TTC7B: variants seen among roughly 807,000 people sequenced by gnomAD.
The protein encoded by TTC7B is tetratricopeptide repeat protein 7B.
Under a neutral mutation model 106.8 loss-of-function variants are expected in TTC7B, and 28 were observed. That is an observed-to-expected ratio of 0.26 (90% CI 0.19 to 0.36). The LOEUF is 0.36. TTC7B is among the 10% of genes least tolerant of loss of function. TTC7B has a pLI of 1.00. For synonymous variants in TTC7B, 405 were observed against 430.6 expected, an observed-to-expected ratio of 0.94 and a Z score of 0.74; for missense variants, 862 against 1,076.4, an observed-to-expected ratio of 0.80 and a Z score of 2.79.
chr14:90,659,353 C>T (rs1043240234), intron 9 of TTC7B, among the ~76,000 whole-genome samples: 18 of 151,528 alleles, frequency 1.2e-4, no homozygotes, highest in South Asian at 2.1e-4. Flanking sequence ...GAGTTTAGCA[C>T]GGGAAATACT....
intron 19 of TTC7B, among the ~76,000 whole-genome samples, chr14:90,576,695 T>G (rs943393772): frequency 1.3e-5 from 2 of 152,024 alleles, no homozygotes; most frequent in African/African-American, 4.8e-5. Context: ...TTAGTTCGAG[T>G]GCAGATGTAA....
chr14:90,699,266 A>G (rs1887890016), intron 5 of TTC7B: 2 of 449,976 alleles, frequency 4.4e-6, no homozygotes, highest in Middle Eastern at 3.3e-4. Context: ...GAAGAAGGCC[A>G]GAGCTCCAAA....
At chr14:90,695,601 G>A (rs761318235) in intron 5 of TTC7B, 23 bp from the exon 6 acceptor site, 4 of 1,515,470 alleles carry the variant, frequency 2.6e-6, no homozygotes, top group African/African-American at 1.4e-5. Flanking sequence ...AGAATTTGAC[G>A]GTTTTCATCT....
At position 90,624,446 on chromosome 14, in the gene TTC7B, C is replaced by G. The variant is rs1354101801; in HGVS notation, c.1752-6401G>C. On this transcript the variant is annotated intron_variant, in intron 15 of 19. Coordinates refer to ENST00000328459, the MANE Select transcript of TTC7B (RefSeq NM_001010854.2). The surrounding 1 kb of genome is among the most constrained non-coding windows in gnomAD (Gnocchi z 4.0). ...ATGCTCGGTGTCTCATGCCATTCCC[C>G]AGGAAGACTTCGCTGACTCGCTGGA... Among the ~76,000 whole-genome samples the G allele has an allele frequency of 6.6e-6, 1 of 152,112 alleles. No homozygotes were observed.
At chr14:90,586,344 C>T (rs1389021213) in intron 18 of TTC7B, among the ~76,000 whole-genome samples, 4 of 152,212 alleles carry the variant, frequency 2.6e-5, no homozygotes, top group Non-Finnish European at 1.5e-5. Flanking sequence ...GATCTCGGCT[C>T]ATTGCAATCT....
chr14:90,815,269 C>G (rs772467084), intron 1 of TTC7B, among the ~76,000 whole-genome samples: 5 of 152,148 alleles, frequency 3.3e-5, no homozygotes, highest in Admixed American at 1.3e-4. Flanking sequence ...TAAAGATACT[C>G]GCTTCCAAAA....
Position 90,780,759 on chromosome 14 carries a change from C to T in TTC7B, c.424G>A (p.Ala142Thr), listed in dbSNP as rs768036746. ...AVPPYRLRVIAEAYATKGLCL... is the reference protein window; with the variant it reads ...AVPPYRLRVITEAYATKGLCL... ...TCACCTTTGGTAGCGTAGGCTTCTG[C>T]GATCACCCGCAGCCTGTAGGGCGGG... is the stretch of plus-strand genomic sequence containing the variant. Residue 142 changes from alanine (A) to threonine (T), a missense_variant, in exon 3 of 20, where the codon GCA (alanine) becomes ACA (threonine). By Grantham distance (58) the Ala-to-Thr change is moderately conservative. Transcript: ENST00000328459. 6.2e-6 allele frequency: 10 copies of T among 1,614,152 alleles called. No homozygotes were observed. Among genetic ancestry groups the T allele is most frequent in the Non-Finnish European group, 7.6e-6 (9 of 1,180,022 alleles).
intron 19 of TTC7B, among the ~76,000 whole-genome samples, chr14:90,573,427 C>T (rs189998689): frequency 0.015 from 1,684 of 113,966 alleles, 57 homozygotes; most frequent in Non-Finnish European, 0.022. Context: ...CGGTCCCTCT[C>T]CGGCTCACGG....
At chr14:90,559,430 T>A (rs1890473627) in intron 19 of TTC7B, among the ~76,000 whole-genome samples, 1 of 152,248 alleles carries the variant, frequency 6.6e-6, no homozygotes, top group Admixed American at 6.5e-5. Context: ...CAGAGGGCAC[T>A]GGCGGGGCAG....
At chr14:90,661,394 A>C (rs942631621) in intron 9 of TTC7B, among the ~76,000 whole-genome samples, 5 of 152,210 alleles carry the variant, frequency 3.3e-5, no homozygotes, top group Admixed American at 2.0e-4. Context: ...CAGCATGCTG[A>C]GACCAAGTAG....
intron 19 of TTC7B, among the ~76,000 whole-genome samples, chr14:90,568,071 T>A (rs937607693): frequency 1.3e-5 from 2 of 152,226 alleles, no homozygotes; most frequent in Middle Eastern, 3.4e-3. Context: ...CAAGATGACT[T>A]GGAAGCAGCA....
chr14:90,741,432 A>C (rs1181815185), intron 4 of TTC7B, among the ~76,000 whole-genome samples: 3 of 152,192 alleles, frequency 2.0e-5, no homozygotes, highest in Non-Finnish European at 4.4e-5. Flanking sequence ...CAGCGAGCAG[A>C]AGTTTCTTCA....
intron 3 of TTC7B, among the ~76,000 whole-genome samples, chr14:90,771,939 TG>T (rs1890879148): frequency 6.9e-6 from 1 of 145,232 alleles, no homozygotes; most frequent in African/African-American, 2.5e-5. Context: ...TATATTTATA[TG>T]TATAAATTTT....
intron 18 of TTC7B, among the ~76,000 whole-genome samples, chr14:90,581,248 G>A (rs1457411734): frequency 2.0e-5 from 3 of 152,260 alleles, no homozygotes; most frequent in South Asian, 2.1e-4. Context: ...GAAGGTGACC[G>A]CCCAGCCATG....
intron 19 of TTC7B, among the ~76,000 whole-genome samples, chr14:90,545,767 C>T (rs969297522): frequency 2.6e-5 from 4 of 152,218 alleles, no homozygotes; most frequent in Non-Finnish European, 5.9e-5. Flanking sequence ...GCATGTCTAA[C>T]TGCCCTCAAA....
At chr14:90,649,479 A>G (rs559983083) in intron 13 of TTC7B, among the ~76,000 whole-genome samples, 16 of 152,334 alleles carry the variant, frequency 1.1e-4, no homozygotes, top group African/African-American at 3.8e-4. Flanking sequence ...GAGAGAGGAC[A>G]TTAGTGATCA....
chr14:90,658,233 T>A, intron 10 of TTC7B, 71 bp downstream of exon 10: 1 of 1,318,060 alleles, frequency 7.6e-7, no homozygotes, highest in Non-Finnish European at 1.1e-6. Flanking sequence ...TTCCGTGCAA[T>A]TCCATGACAT....
At chr14:90,544,112 C>T (rs1889722171) in intron 19 of TTC7B, among the ~76,000 whole-genome samples, 1 of 152,148 alleles carries the variant, frequency 6.6e-6, no homozygotes, top group African/African-American at 2.4e-5. Flanking sequence ...AAGGAGACCC[C>T]CAGCTCTGGG....
rs1429649112 is a variant in TTC7B, at chr14:90,652,874, A to G, written c.1484T>C (p.Val495Ala). The G allele has an allele frequency of 1.2e-6, 2 of 1,614,172 alleles. No homozygotes were observed. Among genetic ancestry groups the G allele is most frequent in the South Asian group, 1.1e-5 (1 of 91,086 alleles). ...TDASLRGMQE[V>A]LQRKALLAFQ... ...TGCAAGAAGCGCCTTTCTCTGTAGG[A>G]CCTCCTGCATCCCTCGCAAAGAAGC... The change falls in exon 13 of 20, where the codon GTC becomes GCC. Residue 495 changes from valine (V) to alanine (A), a missense_variant. Val to Ala is a moderately conservative substitution (Grantham distance 64, BLOSUM62 0). Transcript: ENST00000328459.
Sources: gnomAD v4.1 joint callset for allele counts (sites outside exome capture counted in the v4.1 genomes callset) on GRCh38, gnomAD v4.1.1 for gene constraint, Gnocchi (gnomAD v3.1) non-coding constraint, MANE v1.5 for transcripts, NCBI Gene and HGNC (gene_info 2026-07-23, HGNC 2026-07-21) for gene names.